Variants in TNFAIP3 observed in about 807,000 individuals in gnomAD.
The protein encoded by TNFAIP3 is TNF alpha induced protein 3.
TNFAIP3 carries 9 observed loss-of-function variants against 72.4 expected under a neutral mutation model. The ratio of observed to expected loss-of-function variants is 0.12; its 90% CI spans 0.07 to 0.22. TNFAIP3 has a LOEUF of 0.22. Among genes scored for constraint, TNFAIP3 ranks in the 10% least tolerant of loss-of-function variants. The probability of loss-of-function intolerance (pLI) is 1.00; values close to 1 mark genes in which losing one functional copy is unlikely to be tolerated. For missense variants in TNFAIP3, 833 were observed against 1,018.7 expected (o/e 0.82, Z 2.48); for synonymous variants, 339 against 372.6 (o/e 0.91, Z 1.04).
rs1374879797 is a variant in TNFAIP3 at position 137,867,536 on chromosome 6, C to G, written c.-22C>G. On this transcript the variant is annotated 5_prime_UTR_variant, in exon 1 of 9. Coordinates refer to ENST00000612899, the MANE Select transcript of TNFAIP3 (RefSeq NM_001270508.2). This position sits in a 1 kb window ranked among gnomAD's most constrained non-coding sequence, Gnocchi z 6.0. ...CCGGAGAGGTAACCGCCGCGCCTCC[C>G]GGAGAGGTAACCGCCGCGCCTCCCC... 1.3e-5 allele frequency: 2 copies of G among 153,506 alleles called. No homozygotes were observed. The highest frequency in any genetic ancestry group is 2.9e-5 in the Non-Finnish European group (2 of 68,980). The allele number at this position is 153,506 out of a possible 1,614,324, so 9.5% of individuals were successfully genotyped here.
At chr6:137,870,663 T>G (rs1223959491) in intron 1 of TNFAIP3, among the ~76,000 whole-genome samples, 1 of 152,170 alleles carries the variant, frequency 6.6e-6, no homozygotes, top group Non-Finnish European at 1.5e-5. Context: ...CAGCATAAAA[T>G]TGCAAGATTT....
chr6:137,881,072 A>G lies in TNFAIP3; in HGVS notation c.2126A>G (p.Gln709Arg). The G allele has an allele frequency of 6.2e-7, 1 of 1,613,486 alleles. No homozygotes were observed. The highest frequency in any genetic ancestry group is 2.2e-5 in the East Asian group (1 of 44,832). The stretch of plus-strand genomic sequence containing the variant: ...CGCAGAGATGTGCCTCGAACCACAC[A>G]AAGCACCTCAAGGCCCAAGTGCGCC... The part of the protein sequence containing the change: ...SQRRDVPRTT[Q>R]STSRPKCARA... Residue 709 changes from glutamine (Q) to arginine (R), a missense_variant, in exon 9 of 9, where the codon CAA (glutamine) becomes CGA (arginine). By Grantham distance (43) the Gln-to-Arg change is conservative (BLOSUM62 1). This residue lies in a region of TNFAIP3 where 587 missense variants were observed against 657.8 expected (regional missense o/e 0.89). Coordinates refer to ENST00000612899, the MANE Select transcript of TNFAIP3 (RefSeq NM_001270508.2). This position sits in a 1 kb window ranked among gnomAD's most constrained non-coding sequence, Gnocchi z 5.0.
Position 137,880,232 on chromosome 6 carries a change from A to G in TNFAIP3, c.2068A>G (p.Lys690Glu), listed in dbSNP as rs1776402839. ...EAQNQRFHEA[K>E]RTEEQLRSSQ... is the part of the protein sequence containing the mutation. ...TCAGAATCAGAGATTTCATGAGGCC[A>G]AAAGGACAGAAGAGCAACTGGTGAG... Residue 690 changes from lysine (K) to glutamate (E), a missense_variant, in exon 8 of 9, where the codon AAA becomes GAA. Around this residue, in one of 2 missense-constraint regions of TNFAIP3, gnomAD observed 587 missense variants for 657.8 expected, o/e 0.89. Coordinates refer to ENST00000612899, the MANE Select transcript of TNFAIP3 (RefSeq NM_001270508.2). 10 of 1,614,180 alleles carry G rather than the reference A, an allele frequency of 6.2e-6. No individual in the cohort carries two copies. The highest frequency in any genetic ancestry group is 8.5e-6 in the Non-Finnish European group (10 of 1,180,036).
upstream of TNFAIP3, chr6:137,866,753 G>T (rs1775846745): frequency 6.6e-6 from 1 of 152,470 alleles, no homozygotes; most frequent in African/African-American, 2.4e-5. Context: ...CGCTCATCAC[G>T]TGCACAGCCC....
In TNFAIP3 at chr6:137,874,929, T is replaced by C. The variant is rs2230926; in HGVS notation, c.380T>C (p.Phe127Ser). 6.2e-7 allele frequency: 1 copy of C among 1,614,120 alleles called. No homozygotes were observed. The highest frequency in any genetic ancestry group is 1.7e-5 in the Admixed American group (1 of 60,022). ...DTDLVLRKAL[F>S]STLKETDTRN... ...GACTTGGTACTGAGGAAGGCGCTGTTCAGCACGCTCAAGGAAACAGACACA... is the reference window on the plus strand; with the variant it reads ...GACTTGGTACTGAGGAAGGCGCTGTCCAGCACGCTCAAGGAAACAGACACA... Residue 127 changes from phenylalanine (F) to serine (S), a missense_variant, in exon 3 of 9, where the codon TTC becomes TCC. By Grantham distance (155) the Phe-to-Ser change is radical (BLOSUM62 -2). This residue lies in a region of TNFAIP3 where 246 missense variants were observed against 360.9 expected (regional missense o/e 0.68). Transcript: ENST00000612899.
chr6:137,870,209 G>A (rs1423752078), intron 1 of TNFAIP3, among the ~76,000 whole-genome samples: 2 of 152,216 alleles, frequency 1.3e-5, no homozygotes, highest in Non-Finnish European at 2.9e-5. Flanking sequence ...TTCATTGGCA[G>A]TTGAGTTAAA....
At position 137,881,121 on chromosome 6, in the gene TNFAIP3, G is replaced by A. The variant is rs140354477; in HGVS notation, c.2175G>A (p.Leu725=). The A allele has an allele frequency of 2.6e-3, 4,183 of 1,613,870 alleles. 10 individuals are homozygous for A. Among genetic ancestry groups the A allele is most frequent in the Non-Finnish European group, 2.8e-3 (3,313 of 1,179,990 alleles). Residue 725 remains leucine (L), a synonymous_variant, in exon 9 of 9, where the codon CTG becomes CTA. Coordinates refer to ENST00000612899, the MANE Select transcript of TNFAIP3 (RefSeq NM_001270508.2). The surrounding 1 kb of genome is among the most constrained non-coding windows in gnomAD (Gnocchi z 5.0). ...CCCGGGCCTCCTGCAAGAACATCCTGGCCTGCCGCAGCGAGGAGCTCTGCA... is the reference window on the plus strand; with the variant it reads ...CCCGGGCCTCCTGCAAGAACATCCTAGCCTGCCGCAGCGAGGAGCTCTGCA... ...KCARASCKNI[L]ACRSEELCME... is the part of the protein sequence containing the mutation.
At chr6:137,873,704 G>A (rs369041989) in intron 2 of TNFAIP3, among the ~76,000 whole-genome samples, 4 of 152,220 alleles carry the variant, frequency 2.6e-5, no homozygotes, top group Non-Finnish European at 4.4e-5. Flanking sequence ...ATTGCTACAC[G>A]TCTGCCAAGA....
At chr6:137,873,929 A>G (rs986656763) in intron 2 of TNFAIP3, among the ~76,000 whole-genome samples, 1 of 152,212 alleles carries the variant, frequency 6.6e-6, no homozygotes, top group Non-Finnish European at 1.5e-5. Flanking sequence ...TTTCATTATA[A>G]AAATTATTTT....
Position 137,880,192 on chromosome 6 carries a change from G to A in TNFAIP3, c.2028G>A (p.Lys676=), listed in dbSNP as rs1476970838. ...CCATGTTTGAAGGATACTGCCAGAA[G>A]TGTTTCATTGAAGCTCAGAATCAGA... ...GSTMFEGYCQ[K]CFIEAQNQRF... is the part of the protein sequence containing the mutation. Residue 676 remains lysine (K), a synonymous_variant, in exon 8 of 9, where the codon AAG becomes AAA. Coordinates refer to ENST00000612899, the MANE Select transcript of TNFAIP3 (RefSeq NM_001270508.2). 6.2e-7 allele frequency: 1 copy of A among 1,614,190 alleles called. No individual in the cohort carries two copies.
chr6:137,869,089 T>C (rs1319862055), intron 1 of TNFAIP3, among the ~76,000 whole-genome samples: 4 of 152,164 alleles, frequency 2.6e-5, no homozygotes, highest in Non-Finnish European at 4.4e-5. Flanking sequence ...ACAGGTTTGG[T>C]GTTGTGGGAT....
chr6:137,879,456 T>G, intron 7 of TNFAIP3, 105 bp downstream of exon 7: 2 of 1,337,628 alleles, frequency 1.5e-6, no homozygotes, highest in African/African-American at 1.5e-5. Flanking sequence ...GGCAGAACTG[T>G]CAGGACCTAC....
Position 137,875,036 on chromosome 6 carries a change from G to A in TNFAIP3, c.486+1G>A, listed in dbSNP as rs1776195511. ...AACGGGGCTTTGCTATGATACTCGG[G>A]TAGGTTTTTCCCCCTAATTATCTAC... On this transcript the variant is annotated splice_donor_variant, in intron 3 of 8. Coordinates refer to ENST00000612899, the MANE Select transcript of TNFAIP3 (RefSeq NM_001270508.2). LOFTEE classifies it high-confidence loss of function. The A allele has an allele frequency of 6.2e-7, 1 of 1,613,884 alleles. No individual in the cohort carries two copies. Among genetic ancestry groups the A allele is most frequent in the Admixed American group, 1.7e-5 (1 of 60,004 alleles).
In TNFAIP3 at chr6:137,881,444, G is replaced by A; in HGVS notation, c.*125G>A. On this transcript the variant is annotated 3_prime_UTR_variant, in exon 9 of 9. Transcript: ENST00000612899. The surrounding 1 kb of genome is among the most constrained non-coding windows in gnomAD (Gnocchi z 5.0). ...GGCTTAAGGGTGTCTGAGCAGGAGA[G>A]GAAAGATAAGCTCTTCGTGGTGCCC... 1 of 865,764 alleles carries A rather than the reference G, an allele frequency of 1.2e-6. No homozygotes were observed. Among genetic ancestry groups the A allele is most frequent in the Non-Finnish European group, 1.7e-6 (1 of 576,528 alleles). The allele number at this position is 865,764 out of a possible 1,614,324, so 53.6% of individuals were successfully genotyped here.
At position 137,881,328 on chromosome 6, in the gene TNFAIP3, A is replaced by G; in HGVS notation, c.*9A>G. 6.5e-7 allele frequency: 1 copy of G among 1,529,290 alleles called. No homozygotes were observed. The highest frequency in any genetic ancestry group is 1.3e-5 in the South Asian group (1 of 77,612). 94.7% of individuals were successfully genotyped at this position (1,529,290 alleles called of 1,614,324 possible). A position where few individuals can be genotyped will look rare whatever the true frequency, so the allele number is the denominator to read the frequency against. On this transcript the variant is annotated 3_prime_UTR_variant, in exon 9 of 9. Transcript: ENST00000612899. The surrounding 1 kb of genome is among the most constrained non-coding windows in gnomAD (Gnocchi z 5.0). The stretch of plus-strand genomic sequence containing the variant: ...AGCAGATGTATGGCTAACCGGAAAC[A>G]GGTGGGTCACCTCCTGCAAGAAGTG...
intron 7 of TNFAIP3, 112 bp downstream of exon 7, chr6:137,879,463 C>T: frequency 7.7e-7 from 1 of 1,300,184 alleles, no homozygotes; most frequent in South Asian, 1.5e-5. Context: ...CTGTCAGGAC[C>T]TACCGTGCTT....
Position 137,878,758 on chromosome 6 carries a change from C to G in TNFAIP3, c.1313C>G (p.Ser438Cys), listed in dbSNP as rs1776335627. The G allele has an allele frequency of 6.2e-7, 1 of 1,614,122 alleles. No individual in the cohort carries two copies. The highest frequency in any genetic ancestry group is 8.5e-7 in the Non-Finnish European group (1 of 1,180,034). ...CTCCCTGGCATGGCGCTCGGGGCCT[C>G]TCGGGGAGAAGCCTATGAGCCCTTG... The part of the protein sequence containing the change: ...EGLPGMALGA[S>C]RGEAYEPLAW... The change falls in exon 7 of 9, where the codon TCT becomes TGT. Residue 438 changes from serine (S) to cysteine (C), a missense_variant. By Grantham distance (112) the Ser-to-Cys change is moderately radical. Transcript: ENST00000612899.
At chr6:137,873,339 A>G (rs1776126188) in intron 2 of TNFAIP3, among the ~76,000 whole-genome samples, 1 of 152,208 alleles carries the variant, frequency 6.6e-6, no homozygotes, top group African/African-American at 2.4e-5. Context: ...GCGGTGAATG[A>G]GGAAGGGAGT....
chr6:137,875,071 T>C (rs768199497), intron 3 of TNFAIP3, 36 bp downstream of exon 3: 1 of 1,611,586 alleles, frequency 6.2e-7, no homozygotes, highest in Non-Finnish European at 8.5e-7. Context: ...CTAACAGAGC[T>C]CCATGGTGGG....
Sources: gnomAD v4.1 joint callset for allele counts (sites outside exome capture counted in the v4.1 genomes callset) on GRCh38, gnomAD v4.1.1 for gene constraint, gnomAD v4.1.1 regional missense constraint, Gnocchi (gnomAD v3.1) non-coding constraint, MANE v1.5 for transcripts, NCBI Gene and HGNC (gene_info 2026-07-23, HGNC 2026-07-21) for gene names.